Variants in DPP6 observed in about 807,000 individuals in gnomAD.
The protein encoded by DPP6 is A-type potassium channel modulatory protein DPP6.
Under a neutral mutation model 122.6 loss-of-function variants are expected in DPP6, and 69 were observed. That is an observed-to-expected ratio of 0.56 (90% CI 0.46 to 0.69). The LOEUF (loss-of-function observed/expected upper bound fraction) is 0.69, where lower values mean the gene tolerates loss of function less well. Among genes scored for constraint, DPP6 ranks in the 30% least tolerant of loss-of-function variants. The pLI is 0.00. For synonymous variants in DPP6, 418 were observed against 433.1 expected, an observed-to-expected ratio of 0.97 and a Z score of 0.43; for missense variants, 928 against 1,116.9, an observed-to-expected ratio of 0.83 and a Z score of 2.41.
chr7:154,681,965 C>T (rs1839305486), intron 7 of DPP6, among the ~76,000 whole-genome samples: 1 of 152,148 alleles, frequency 6.6e-6, no homozygotes, highest in South Asian at 2.1e-4. Flanking sequence ...CTTCCACAGC[C>T]CGTTGCTCAG....
intron 10 of DPP6, among the ~76,000 whole-genome samples, chr7:154,779,343 C>T (rs1173553146): frequency 6.6e-6 from 1 of 151,124 alleles, no homozygotes; most frequent in Non-Finnish European, 1.5e-5. Context: ...ACCATCATCA[C>T]TTCTACTTCC....
the DPP6 span, among the ~76,000 whole-genome samples, chr7:153,868,220 G>A: frequency 2.6e-5 from 4 of 152,114 alleles, no homozygotes; most frequent in Non-Finnish European, 5.9e-5. Context: ...AGTTTCAGAA[G>A]GAATGGTACC....
intron 1 of DPP6, among the ~76,000 whole-genome samples, chr7:153,960,271 A>G (rs944104859): frequency 3.3e-5 from 5 of 152,144 alleles, no homozygotes; most frequent in Non-Finnish European, 5.9e-5. Flanking sequence ...CTATTTTATA[A>G]CATTTTACCC....
chr7:154,030,648 G>A (rs563751186), intron 1 of DPP6, among the ~76,000 whole-genome samples: 22 of 152,208 alleles, frequency 1.4e-4, no homozygotes, highest in Admixed American at 1.2e-3. Flanking sequence ...TTGGGAAGGC[G>A]TCCACGTTCC....
chr7:154,119,268 C>G (rs1449886131), intron 1 of DPP6, among the ~76,000 whole-genome samples: 4 of 152,294 alleles, frequency 2.6e-5, no homozygotes, highest in East Asian at 3.9e-4. Flanking sequence ...TAACTGAACA[C>G]AGGTCCGGAT....
intron 1 of DPP6, among the ~76,000 whole-genome samples, chr7:154,171,150 C>G (rs1331672836): frequency 6.6e-6 from 1 of 152,244 alleles, no homozygotes; most frequent in Non-Finnish European, 1.5e-5. Flanking sequence ...CTTGGGCTAG[C>G]TGCCTAACTT....
chr7:153,973,946 T>A (rs866378798), intron 1 of DPP6, among the ~76,000 whole-genome samples: 2,801 of 151,720 alleles, frequency 0.018, 84 homozygotes, highest in African/African-American at 0.065. Context: ...TTGGCAATTT[T>A]AAAAGTTTTA....
At chr7:154,294,981 C>T (rs923905977) in intron 1 of DPP6, among the ~76,000 whole-genome samples, 28 of 152,160 alleles carry the variant, frequency 1.8e-4, no homozygotes, top group African/African-American at 4.3e-4. Flanking sequence ...AGGAGGTGAC[C>T]GAGGAGGAGC....
the DPP6 span, among the ~76,000 whole-genome samples, chr7:153,804,684 G>T: frequency 1.3e-5 from 2 of 152,046 alleles, no homozygotes; most frequent in Non-Finnish European, 2.9e-5. Context: ...CACAAGGTCA[G>T]GAGTTCGAGA....
chr7:154,807,885 C>G (rs924219209), intron 16 of DPP6, among the ~76,000 whole-genome samples: 2 of 152,154 alleles, frequency 1.3e-5, no homozygotes, highest in African/African-American at 4.8e-5. Flanking sequence ...AAATATTTCC[C>G]TATGTCCCAA....
intron 5 of DPP6, among the ~76,000 whole-genome samples, chr7:154,616,748 T>C (rs973835270): frequency 6.6e-6 from 1 of 152,108 alleles, no homozygotes; most frequent in Non-Finnish European, 1.5e-5. Flanking sequence ...GGTCTTTACA[T>C]ACCTAAGGAG....
At chr7:154,579,662 CT>C (rs1364986583) in intron 5 of DPP6, among the ~76,000 whole-genome samples, 1 of 152,214 alleles carries the variant, frequency 6.6e-6, no homozygotes, top group African/African-American at 2.4e-5. Context: ...GCCATGTCCT[CT>C]TCTGCCCCCC....
At chr7:154,171,006 C>T (rs1797508980) in intron 1 of DPP6, among the ~76,000 whole-genome samples, 1 of 152,214 alleles carries the variant, frequency 6.6e-6, no homozygotes, top group Non-Finnish European at 1.5e-5. Flanking sequence ...ACTGCCTTCT[C>T]TTCCTGCTGC....
chr7:154,256,486 C>T (rs73489322), intron 1 of DPP6, among the ~76,000 whole-genome samples: 7,233 of 152,266 alleles, frequency 0.048, 527 homozygotes, highest in African/African-American at 0.16. Flanking sequence ...TTTGAAAACA[C>T]GTTTCTTCCA....
chr7:154,409,676 GGTTT>G (rs1816429992), intron 1 of DPP6, among the ~76,000 whole-genome samples: 1 of 152,118 alleles, frequency 6.6e-6, no homozygotes, highest in South Asian at 2.1e-4. Context: ...AGATGTTCCA[GGTTT>G]GTTTTGTTTT....
In DPP6 at chr7:154,848,340, T is replaced by A. The variant is rs1053736938; in HGVS notation, c.1667-5440T>A. Among the ~76,000 whole-genome samples the A allele has an allele frequency of 5.9e-3, 380 of 64,078 alleles. 3 individuals are homozygous for A. Among genetic ancestry groups the A allele is most frequent in the African/African-American group, 0.011 (368 of 32,320 alleles). 42.0% of individuals were successfully genotyped at this position (64,078 alleles called of 152,430 possible). On this transcript the variant is annotated intron_variant, in intron 16 of 25. Transcript: ENST00000377770. ...CACATGCTTGCCGACACTTGTTAGC[T>A]TTTTTTTCTTTATAATAGCCATTCT...
the DPP6 span, among the ~76,000 whole-genome samples, chr7:153,783,148 C>A: frequency 6.6e-6 from 1 of 152,156 alleles, no homozygotes; most frequent in Non-Finnish European, 1.5e-5. Flanking sequence ...GACATGTCCA[C>A]AGACACAAAG....
At chr7:154,882,313 C>T (rs1181779286) in intron 21 of DPP6, among the ~76,000 whole-genome samples, 2 of 152,238 alleles carry the variant, frequency 1.3e-5, no homozygotes, top group African/African-American at 4.8e-5. Flanking sequence ...GGACATCTGT[C>T]TGAGCTCCGT....
In DPP6 at chr7:154,088,395, A is replaced by G. The variant is rs188924973; in HGVS notation, c.243+35332A>G. On this transcript the variant is annotated intron_variant, in intron 1 of 25. Transcript: ENST00000377770. Reference sequence around the variant, plus strand: ...CTGGTGGCTTTCTGAGAACTGCTGTATGGTGAACTCCATCTTCAAGGGTTA... The same window carrying G: ...CTGGTGGCTTTCTGAGAACTGCTGTGTGGTGAACTCCATCTTCAAGGGTTA... Among the ~76,000 whole-genome samples, 799 of 146,800 alleles carry G rather than the reference A, an allele frequency of 5.4e-3. 29 individuals are homozygous for G. Among genetic ancestry groups the G allele is most frequent in the Admixed American group, 0.046 (679 of 14,810 alleles).
Sources: gnomAD v4.1 joint callset for allele counts (sites outside exome capture counted in the v4.1 genomes callset) on GRCh38, gnomAD v4.1.1 for gene constraint, MANE v1.5 for transcripts, NCBI Gene and HGNC (gene_info 2026-07-23, HGNC 2026-07-21) for gene names.